The following CUX2 variants were observed in gnomAD, a reference collection of about 807,000 sequenced individuals.
CUX2 encodes homeobox protein cut-like 2.
CUX2 carries 40 observed loss-of-function variants against 144.8 expected under a neutral mutation model. The observed-to-expected ratio is 0.28, with a 90% CI of 0.21 to 0.36. The LOEUF is 0.36. Ranked by LOEUF, CUX2 falls within the 10% of genes least tolerant of loss-of-function variation. The pLI is 1.00. For synonymous variants in CUX2, 827 were observed against 875.6 expected (o/e 0.94, Z 0.98); for missense variants, 1,615 against 1,994.0 (o/e 0.81, Z 3.62).
At chr12:111,120,464 G>C (rs1724392526) in intron 1 of CUX2, among the ~76,000 whole-genome samples, 2 of 152,066 alleles carry the variant, frequency 1.3e-5, no homozygotes, top group African/African-American at 4.8e-5. Flanking sequence ...GAATTCCTGA[G>C]AACCTTCTGA....
chr12:111,163,130 C>A (rs2136154165), intron 1 of CUX2, among the ~76,000 whole-genome samples: 1 of 152,070 alleles, frequency 6.6e-6, no homozygotes, highest in South Asian at 2.1e-4. Flanking sequence ...TGACCTTGAG[C>A]TTGACCACTC....
intron 1 of CUX2, among the ~76,000 whole-genome samples, chr12:111,086,316 C>G (rs1872214329): frequency 6.6e-6 from 1 of 152,176 alleles, no homozygotes; most frequent in Non-Finnish European, 1.5e-5. Context: ...TCACAGGCAA[C>G]TGGAACTGTG....
intron 3 of CUX2, among the ~76,000 whole-genome samples, chr12:111,237,140 C>G (rs566464867): frequency 1.3e-5 from 2 of 152,248 alleles, no homozygotes; most frequent in South Asian, 4.1e-4. Context: ...CAGAGCAAAA[C>G]CCTGTCTCTG....
At chr12:111,214,110 C>A in intron 1 of CUX2, 90 bp from the exon 2 acceptor site, 1 of 619,538 alleles carries the variant, frequency 1.6e-6, no homozygotes. Context: ...GTTCAGAATG[C>A]TGTTTTGTAC....
Position 111,251,739 on chromosome 12 carries a change from C to A in CUX2, c.223-12022C>A, listed in dbSNP as rs148056816. ...TGCATGGTGTTCCTCTTCCTGCAGA[C>A]CCTCCCCTCAGCCAGAGCCTGGGTG... On this transcript the variant is annotated intron_variant, in intron 3 of 21. Coordinates refer to ENST00000261726, the MANE Select transcript of CUX2 (RefSeq NM_015267.4). Among the ~76,000 whole-genome samples, 452 of 152,290 alleles carry A rather than the reference C, an allele frequency of 3.0e-3. 2 individuals carry two copies. The highest frequency in any genetic ancestry group is 6.8e-3 in the South Asian group (33 of 4,818).
chr12:111,201,910 A>C (rs965910829), intron 1 of CUX2, among the ~76,000 whole-genome samples: 3 of 152,190 alleles, frequency 2.0e-5, no homozygotes, highest in Admixed American at 1.3e-4. Flanking sequence ...CCTGATTGTG[A>C]CCTTGAGGCA....
At chr12:111,067,521 C>T (rs1871071100) in intron 1 of CUX2, among the ~76,000 whole-genome samples, 1 of 152,172 alleles carries the variant, frequency 6.6e-6, no homozygotes, top group African/African-American at 2.4e-5. Context: ...GGAGCCCAAC[C>T]CATGTTTTTA....
At chr12:111,052,141 C>T (rs1870298748) in intron 1 of CUX2, among the ~76,000 whole-genome samples, 1 of 152,070 alleles carries the variant, frequency 6.6e-6, no homozygotes. Context: ...GCTCTCTCTG[C>T]CTGCGACACT....
chr12:111,104,871 A>G (rs1198534559), intron 1 of CUX2, among the ~76,000 whole-genome samples: 2 of 152,150 alleles, frequency 1.3e-5, no homozygotes, highest in African/African-American at 2.4e-5. Flanking sequence ...GCTCGCAGCC[A>G]GCTGTGGCCC....
Position 111,190,202 on chromosome 12 carries a change from C to T in CUX2, c.64-23998C>T, listed in dbSNP as rs932355597. On this transcript the variant is annotated intron_variant, in intron 1 of 21. Coordinates refer to ENST00000261726, the MANE Select transcript of CUX2 (RefSeq NM_015267.4). This position sits in a 1 kb window ranked among gnomAD's most constrained non-coding sequence, Gnocchi z 4.0. ...CTTCCTTACTGAATTTTTAGGAGTGCTTGATTCTGCACACATCAGATAAAC... is the reference window on the plus strand; with the variant it reads ...CTTCCTTACTGAATTTTTAGGAGTGTTTGATTCTGCACACATCAGATAAAC... Among the ~76,000 whole-genome samples, 9 of 152,138 alleles carry T rather than the reference C, an allele frequency of 5.9e-5. No individual in the cohort carries two copies. Among genetic ancestry groups the T allele is most frequent in the Non-Finnish European group, 1.2e-4 (8 of 68,034 alleles).
chr12:111,170,825 G>A (rs536222378), intron 1 of CUX2, among the ~76,000 whole-genome samples: 3 of 152,152 alleles, frequency 2.0e-5, no homozygotes, highest in East Asian at 1.9e-4. Flanking sequence ...GTTCCTCTCC[G>A]TGGCTGGGTC....
intron 1 of CUX2, among the ~76,000 whole-genome samples, chr12:111,188,150 C>T (rs1396221889): frequency 2.0e-5 from 3 of 152,244 alleles, no homozygotes; most frequent in Non-Finnish European, 4.4e-5. Context: ...TGGCCTTGTT[C>T]CTTCAGCAAG....
At chr12:111,103,927 A>G (rs1873428133) in intron 1 of CUX2, among the ~76,000 whole-genome samples, 1 of 152,174 alleles carries the variant, frequency 6.6e-6, no homozygotes, top group Non-Finnish European at 1.5e-5. Context: ...CAGGGAAAGA[A>G]AGCAGCTCTT....
intron 1 of CUX2, among the ~76,000 whole-genome samples, chr12:111,092,233 C>A (rs992843853): frequency 6.6e-6 from 1 of 152,150 alleles, no homozygotes; most frequent in African/African-American, 2.4e-5. Flanking sequence ...ATGTCTCCCC[C>A]ATCCGCAGGC....
intron 1 of CUX2, among the ~76,000 whole-genome samples, chr12:111,098,532 G>A (rs1872982252): frequency 6.6e-6 from 1 of 152,244 alleles, no homozygotes; most frequent in Non-Finnish European, 1.5e-5. Flanking sequence ...TCTGGAGGGA[G>A]GCCACTGAGG....
chr12:111,337,585 C>G (rs1323382935), intron 19 of CUX2, among the ~76,000 whole-genome samples: 2 of 152,190 alleles, frequency 1.3e-5, no homozygotes, highest in Non-Finnish European at 2.9e-5. Context: ...GTGCAGCTAT[C>G]CCAGGCAGTG....
At chr12:111,300,997 C>A (rs1886262496) in intron 9 of CUX2, among the ~76,000 whole-genome samples, 1 of 146,998 alleles carries the variant, frequency 6.8e-6, no homozygotes, top group African/African-American at 2.6e-5. Context: ...TATGATCACA[C>A]TACTGCATTC....
At position 111,348,336 on chromosome 12, in the gene CUX2, A is replaced by C; in HGVS notation, c.*11A>C. ...GAGTGGGAGTTCTGAAGGCAGGGTGAGGGGGCAAGGGACATACCCTGGTAA... is the reference window on the plus strand; with the variant it reads ...GAGTGGGAGTTCTGAAGGCAGGGTGCGGGGGCAAGGGACATACCCTGGTAA... On this transcript the variant is annotated 3_prime_UTR_variant, in exon 22 of 22. Coordinates refer to ENST00000261726, the MANE Select transcript of CUX2 (RefSeq NM_015267.4). 6.2e-7 allele frequency: 1 copy of C among 1,601,724 alleles called. No individual in the cohort carries two copies. The highest frequency in any genetic ancestry group is 8.5e-7 in the Non-Finnish European group (1 of 1,173,102).
intron 1 of CUX2, among the ~76,000 whole-genome samples, chr12:111,139,138 G>A (rs973252450): frequency 6.6e-6 from 1 of 152,010 alleles, no homozygotes; most frequent in Non-Finnish European, 1.5e-5. Flanking sequence ...GGGACTTCGT[G>A]GGGGGCATGA....
Sources: gnomAD v4.1 joint callset for allele counts (sites outside exome capture counted in the v4.1 genomes callset) on GRCh38, gnomAD v4.1.1 for gene constraint, Gnocchi (gnomAD v3.1) non-coding constraint, MANE v1.5 for transcripts, NCBI Gene and HGNC (gene_info 2026-07-23, HGNC 2026-07-21) for gene names.